The following AFF3 variants were observed in gnomAD, a reference collection of about 807,000 sequenced individuals.
AFF3 encodes the protein AF4/FMR2 family member 3.
Under a neutral mutation model 129.7 loss-of-function variants are expected in AFF3, and 32 were observed. The ratio of observed to expected loss-of-function variants is 0.25; its 90% CI spans 0.19 to 0.33. AFF3 has a LOEUF of 0.33. Among genes scored for constraint, AFF3 ranks in the 10% least tolerant of loss-of-function variants. The pLI, the probability that AFF3 is intolerant of heterozygous loss-of-function variation, is 1.00. For missense variants in AFF3, 1,373 were observed against 1,592.0 expected, an observed-to-expected ratio of 0.86 and a Z score of 2.34; for synonymous variants, 644 against 635.4, an observed-to-expected ratio of 1.01 and a Z score of -0.20.
intron 7 of AFF3, among the ~76,000 whole-genome samples, chr2:99,960,641 G>A (rs934365136): frequency 4.6e-5 from 7 of 152,086 alleles, no homozygotes; most frequent in African/African-American, 1.4e-4. Context: ...TGCTCTCTCC[G>A]TCCTCTGCTC....
intron 2 of AFF3, among the ~76,000 whole-genome samples, chr2:100,126,017 A>T (rs962843135): frequency 6.6e-6 from 1 of 152,160 alleles, no homozygotes; most frequent in Admixed American, 6.5e-5. Context: ...TTTGGATTTG[A>T]TGTATGGGAT....
Position 99,694,811 on chromosome 2 carries a change from A to G in AFF3, c.1092-22222T>C, listed in dbSNP as rs568670807. On this transcript the variant is annotated intron_variant, in intron 11 of 24. Coordinates refer to ENST00000672756, the MANE Select transcript of AFF3 (RefSeq NM_001386135.1). ...AACCTCAGCCTCCTGGGTTCAAGCG[A>G]CTCTCCTGACTCAGCCTCCTAAGTA... is the stretch of plus-strand genomic sequence containing the variant. Among the ~76,000 whole-genome samples, 11 of 151,770 alleles carry G rather than the reference A, an allele frequency of 7.2e-5. No homozygotes were observed. The East Asian group carries it at 2.1e-3, about 29-fold the overall frequency.
At chr2:100,049,165 T>C (rs976568595) in intron 4 of AFF3, among the ~76,000 whole-genome samples, 1 of 152,130 alleles carries the variant, frequency 6.6e-6, no homozygotes, top group Admixed American at 6.5e-5. Context: ...GAAAGAACCT[T>C]ATAGCACAGA....
intron 13 of AFF3, among the ~76,000 whole-genome samples, chr2:99,611,716 A>G (rs1157143877): frequency 6.6e-6 from 1 of 152,042 alleles, no homozygotes; most frequent in African/African-American, 2.4e-5. Context: ...GTAAAACCCC[A>G]TCTCTACTAA....
At chr2:99,918,208 G>T (rs1295451669) in intron 7 of AFF3, among the ~76,000 whole-genome samples, 1 of 152,074 alleles carries the variant, frequency 6.6e-6, no homozygotes, top group African/African-American at 2.4e-5. Flanking sequence ...TATATCTTCT[G>T]ATTATAAGAA....
At chr2:99,873,566 G>A (rs1163007910) in intron 7 of AFF3, among the ~76,000 whole-genome samples, 6 of 152,116 alleles carry the variant, frequency 3.9e-5, no homozygotes, top group Admixed American at 3.3e-4. Flanking sequence ...CGCAGTACAT[G>A]TCCTGCAGGG....
intron 13 of AFF3, among the ~76,000 whole-genome samples, chr2:99,614,883 T>A (rs1201550981): frequency 6.6e-6 from 1 of 152,204 alleles, no homozygotes; most frequent in Non-Finnish European, 1.5e-5. Context: ...TTACTTTCAG[T>A]TGAATAAAGA....
At chr2:99,831,073 G>A (rs184154513) in intron 8 of AFF3, among the ~76,000 whole-genome samples, 3 of 152,332 alleles carry the variant, frequency 2.0e-5, no homozygotes, top group Non-Finnish European at 4.4e-5. Context: ...TTTGGGATGT[G>A]AGAGGAAACT....
rs575069360 is a variant in AFF3 at position 99,728,708 on chromosome 2, C to T, written c.1040-1580G>A. On this transcript the variant is annotated intron_variant, in intron 10 of 24. Transcript: ENST00000672756. ...AGATGAGGGGGAAAAACAAAAAAGC[C>T]ACAAAATCTATTTTAACTGCCTTGA... Among the ~76,000 whole-genome samples the T allele has an allele frequency of 2.0e-5, 3 of 152,218 alleles. No homozygotes were observed. In the East Asian group the frequency reaches 5.8e-4, roughly 29 times the overall value.
intron 8 of AFF3, among the ~76,000 whole-genome samples, chr2:99,757,052 G>A (rs775018681): frequency 6.6e-6 from 1 of 152,190 alleles, no homozygotes; most frequent in African/African-American, 2.4e-5. Flanking sequence ...TCCTGGCCCA[G>A]CTCCACTCTC....
chr2:99,840,330 T>C (rs1391843654), intron 7 of AFF3, among the ~76,000 whole-genome samples: 3 of 152,238 alleles, frequency 2.0e-5, no homozygotes, highest in African/African-American at 7.2e-5. Flanking sequence ...AGGTCTTTGA[T>C]ACAATCGTCT....
chr2:99,885,433 T>C (rs1693040544), intron 7 of AFF3, among the ~76,000 whole-genome samples: 1 of 152,230 alleles, frequency 6.6e-6, no homozygotes, highest in Non-Finnish European at 1.5e-5. Context: ...GGTACTCACA[T>C]GCACACAGCC....
intron 4 of AFF3, among the ~76,000 whole-genome samples, chr2:100,086,654 T>A (rs983253318): frequency 8.5e-5 from 13 of 152,218 alleles, no homozygotes; most frequent in African/African-American, 3.1e-4. Context: ...AGGAAGTATA[T>A]TAAATGGGCT....
intron 2 of AFF3, among the ~76,000 whole-genome samples, chr2:100,128,328 C>T (rs1049424217): frequency 2.6e-5 from 4 of 152,138 alleles, no homozygotes; most frequent in Non-Finnish European, 2.9e-5. Flanking sequence ...GAGTCTGGAT[C>T]GGGACCACTT....
intron 8 of AFF3, among the ~76,000 whole-genome samples, chr2:99,789,254 G>T (rs1379719638): frequency 3.9e-5 from 6 of 151,988 alleles, no homozygotes; most frequent in African/African-American, 1.5e-4. Flanking sequence ...GGGCAACACA[G>T]TGAGACCTGT....
At chr2:99,809,174 T>C (rs768852097) in intron 8 of AFF3, among the ~76,000 whole-genome samples, 8 of 152,222 alleles carry the variant, frequency 5.3e-5, no homozygotes, top group African/African-American at 9.6e-5. Flanking sequence ...GAAAGAAGTT[T>C]CTGGAAGGCA....
rs139124538 is a variant in AFF3 at position 99,972,706 on chromosome 2, G to A, written c.873+33926C>T. 2.3e-4 allele frequency among the ~76,000 whole-genome samples: 35 copies of A among 152,324 alleles called. No individual in the cohort carries two copies. In the East Asian group the frequency reaches 6.6e-3, roughly 29 times the overall value. ...AATGAATAAGATAATTGCAGACAGT[G>A]CTAAGTGATATGAAGAATCTGTAAG... On this transcript the variant is annotated intron_variant, in intron 7 of 24. Coordinates refer to ENST00000672756, the MANE Select transcript of AFF3 (RefSeq NM_001386135.1).
At chr2:99,821,851 A>G (rs2105689085) in intron 8 of AFF3, among the ~76,000 whole-genome samples, 1 of 152,240 alleles carries the variant, frequency 6.6e-6, no homozygotes, top group African/African-American at 2.4e-5. Context: ...CACAACAGGC[A>G]TTTGAGAGCC....
chr2:99,967,246 C>T (rs1470200589), intron 7 of AFF3, among the ~76,000 whole-genome samples: 3 of 151,666 alleles, frequency 2.0e-5, no homozygotes, highest in Admixed American at 2.0e-4. Flanking sequence ...TCCTGTCTCC[C>T]TCCCCCTCTT....
Sources: allele counts gnomAD v4.1 joint callset (sites outside exome capture counted in the v4.1 genomes callset), GRCh38; gene constraint gnomAD v4.1.1; transcripts MANE v1.5; gene names NCBI Gene and HGNC (gene_info 2026-07-23, HGNC 2026-07-21).